ZBTB16: variants seen among roughly 807,000 people sequenced by gnomAD.
ZBTB16 encodes zinc finger and BTB domain containing 16.
In ZBTB16, 8 loss-of-function variants were observed where a neutral mutation model predicts 56.8. The ratio of observed to expected loss-of-function variants is 0.14; its 90% CI spans 0.08 to 0.25. The LOEUF is 0.25. ZBTB16 is among the 10% of genes least tolerant of loss of function. The pLI is 1.00. For missense variants in ZBTB16, 625 were observed against 903.0 expected (o/e 0.69, Z 3.95); for synonymous variants, 363 against 368.5 (o/e 0.98, Z 0.17).
In ZBTB16 at chr11:114,250,239, C is replaced by A; in HGVS notation, c.1793-87C>A. On this transcript the variant is annotated intron_variant, in intron 6 of 6. Transcript: ENST00000335953. The surrounding 1 kb of genome is among the most constrained non-coding windows in gnomAD (Gnocchi z 6.0). ...AGCAAGCCCAGCTGGAGGAACCCAGCTTCCCTGGCACGCCTGAGGGTGACA... is the reference window on the plus strand; with the variant it reads ...AGCAAGCCCAGCTGGAGGAACCCAGATTCCCTGGCACGCCTGAGGGTGACA... 1 of 1,490,104 alleles carries A rather than the reference C, an allele frequency of 6.7e-7. No homozygotes were observed. The highest frequency in any genetic ancestry group is 9.2e-7 in the Non-Finnish European group (1 of 1,081,810). The allele number at this position is 1,490,104 out of a possible 1,614,324, so 92.3% of individuals were successfully genotyped here.
chr11:114,191,560 A>C (rs1042308110), intron 4 of ZBTB16, among the ~76,000 whole-genome samples: 2 of 152,152 alleles, frequency 1.3e-5, no homozygotes, highest in African/African-American at 4.8e-5. Context: ...AACTTGACCC[A>C]ACTCACGTGC....
chr11:114,195,726 G>T (rs1204446464), intron 4 of ZBTB16, among the ~76,000 whole-genome samples: 1 of 152,158 alleles, frequency 6.6e-6, no homozygotes, highest in Non-Finnish European at 1.5e-5. Context: ...GCCTCGCATG[G>T]AGTAAGTGCT....
chr11:114,088,704 C>T (rs1940059816), intron 2 of ZBTB16, among the ~76,000 whole-genome samples: 1 of 152,236 alleles, frequency 6.6e-6, no homozygotes, highest in Admixed American at 6.5e-5. Flanking sequence ...GGTTAACTAC[C>T]CAGGCAGTAC....
intron 3 of ZBTB16, among the ~76,000 whole-genome samples, chr11:114,163,857 AT>A (rs1942667069): frequency 6.6e-6 from 1 of 152,074 alleles, no homozygotes; most frequent in African/African-American, 2.4e-5. Context: ...CATTATGTCT[AT>A]CCATTTACAT....
At chr11:114,068,634 G>A (rs896068127) in intron 2 of ZBTB16, among the ~76,000 whole-genome samples, 1 of 152,220 alleles carries the variant, frequency 6.6e-6, no homozygotes, top group African/African-American at 2.4e-5. Flanking sequence ...TCTGCAGGCA[G>A]ATGAAGGAGC....
At chr11:114,236,726 T>C (rs966705993) in intron 4 of ZBTB16, among the ~76,000 whole-genome samples, 2 of 152,236 alleles carry the variant, frequency 1.3e-5, no homozygotes, top group Non-Finnish European at 2.9e-5. Flanking sequence ...CAACCCCTTA[T>C]TTATTTTCTA....
chr11:114,234,322 A>G (rs569511000), intron 4 of ZBTB16, among the ~76,000 whole-genome samples: 61 of 152,326 alleles, frequency 4.0e-4, no homozygotes, highest in African/African-American at 1.4e-3. Flanking sequence ...GGGTGACTCT[A>G]TATGCAGGAG....
At position 114,143,432 on chromosome 11, in the gene ZBTB16, G is replaced by A. The variant is rs963957048; in HGVS notation, c.1269-12905G>A. 2.0e-5 allele frequency among the ~76,000 whole-genome samples: 3 copies of A among 152,132 alleles called. No individual in the cohort carries two copies. Among genetic ancestry groups the A allele is most frequent in the Admixed American group, 6.5e-5 (1 of 15,284 alleles). ...AGACAGAGGCTGGGGGGGAAAGGGG[G>A]TCAGCTTTGAGAGGGGACAGAGGGG... On this transcript the variant is annotated intron_variant, in intron 2 of 6. Transcript: ENST00000335953. The surrounding 1 kb of genome is among the most constrained non-coding windows in gnomAD (Gnocchi z 6.4).
intron 4 of ZBTB16, among the ~76,000 whole-genome samples, chr11:114,233,069 G>GCGCGCA (rs1374458110): frequency 5.3e-4 from 14 of 26,370 alleles, no homozygotes; most frequent in East Asian, 1.6e-3. Flanking sequence ...ATACGCATGC[G>GCGCGCA]CGCGCGCGCG....
chr11:114,159,008 G>GTGACCCA (rs1252162615), intron 3 of ZBTB16, among the ~76,000 whole-genome samples: 3 of 152,360 alleles, frequency 2.0e-5, no homozygotes, highest in Non-Finnish European at 4.4e-5. Flanking sequence ...TCCAGGCGGT[G>GTGACCCA]TGACCCAGTG....
At chr11:114,212,069 G>T (rs568691759) in intron 4 of ZBTB16, among the ~76,000 whole-genome samples, 1 of 151,950 alleles carries the variant, frequency 6.6e-6, no homozygotes, top group East Asian at 2.0e-4. Context: ...CTTGCCGCCA[G>T]CCCACCTCCT....
intron 4 of ZBTB16, among the ~76,000 whole-genome samples, chr11:114,222,771 G>C (rs1199844613): frequency 6.6e-6 from 1 of 152,162 alleles, no homozygotes; most frequent in Non-Finnish European, 1.5e-5. Context: ...TAGCATCCCT[G>C]TTCTAGAGAA....
At chr11:114,130,284 G>A (rs959732691) in intron 2 of ZBTB16, among the ~76,000 whole-genome samples, 1 of 152,210 alleles carries the variant, frequency 6.6e-6, no homozygotes, top group Non-Finnish European at 1.5e-5. Flanking sequence ...CAGCTGCATT[G>A]TCTTTGGAGA....
In ZBTB16 at chr11:114,059,788, A is replaced by C. The variant is rs1938748095; in HGVS notation, c.-185A>C. 5 of 398,314 alleles carry C rather than the reference A, an allele frequency of 1.3e-5. No homozygotes were observed. The allele number at this position is 398,314 out of a possible 1,614,324, so 24.7% of individuals were successfully genotyped here. A position where few individuals can be genotyped will look rare whatever the true frequency, so the allele number is the denominator to read the frequency against. ...TGCTGTCGCTGCCGCCGTGATACGG[A>C]GAGCAACAGTTCCCCAGCAACACCC... is the stretch of plus-strand genomic sequence containing the variant. On this transcript the variant is annotated 5_prime_UTR_variant, in exon 1 of 7. Transcript: ENST00000335953. This position sits in a 1 kb window ranked among gnomAD's most constrained non-coding sequence, Gnocchi z 5.3.
At chr11:114,224,278 C>T (rs541121454) in intron 4 of ZBTB16, among the ~76,000 whole-genome samples, 15 of 152,194 alleles carry the variant, frequency 9.9e-5, no homozygotes, top group Admixed American at 7.2e-4. Context: ...ACTAGAAATC[C>T]GAAAACATTT....
At chr11:114,117,758 C>T (rs772745374) in intron 2 of ZBTB16, among the ~76,000 whole-genome samples, 17 of 152,314 alleles carry the variant, frequency 1.1e-4, no homozygotes, top group Admixed American at 3.3e-4. Context: ...TGTCAGTATA[C>T]TAATTCATTT....
chr11:114,192,391 G>A (rs1424294130), intron 4 of ZBTB16, among the ~76,000 whole-genome samples: 3 of 152,220 alleles, frequency 2.0e-5, no homozygotes, highest in Non-Finnish European at 4.4e-5. Flanking sequence ...CTTCTCAGTA[G>A]GGAAGTGACA....
intron 2 of ZBTB16, among the ~76,000 whole-genome samples, chr11:114,140,750 G>T (rs1056355528): frequency 6.6e-6 from 1 of 152,190 alleles, no homozygotes; most frequent in Non-Finnish European, 1.5e-5. Context: ...GTTTGTTCCA[G>T]TCTCTCTTTT....
chr11:114,143,868 T>C lies in ZBTB16; in HGVS notation c.1269-12469T>C, dbSNP rs1942027474. ...TGGGTATTGTGTTGCACCGTGAGACTGAAAGTGTGGATGTTTCCAGAGAGC... is the reference window on the plus strand; with the variant it reads ...TGGGTATTGTGTTGCACCGTGAGACCGAAAGTGTGGATGTTTCCAGAGAGC... On this transcript the variant is annotated intron_variant, in intron 2 of 6. Coordinates refer to ENST00000335953, the MANE Select transcript of ZBTB16 (RefSeq NM_006006.6). The surrounding 1 kb of genome is among the most constrained non-coding windows in gnomAD (Gnocchi z 6.4). Among the ~76,000 whole-genome samples the C allele has an allele frequency of 6.6e-6, 1 of 152,162 alleles. No homozygotes were observed. The highest frequency in any genetic ancestry group is 2.4e-5 in the African/African-American group (1 of 41,436).
Sources: allele counts gnomAD v4.1 joint callset (sites outside exome capture counted in the v4.1 genomes callset), GRCh38; gene constraint gnomAD v4.1.1; non-coding constraint Gnocchi (gnomAD v3.1); transcripts MANE v1.5; gene names NCBI Gene and HGNC (gene_info 2026-07-23, HGNC 2026-07-21).